The following CCM2 variants were observed in gnomAD, a reference collection of about 807,000 sequenced individuals.
The protein encoded by CCM2 is cerebral cavernous malformations 2 protein.
CCM2 carries 25 observed loss-of-function variants against 44.9 expected under a neutral mutation model. The observed-to-expected ratio is 0.56, with a 90% CI of 0.41 to 0.78. The LOEUF is 0.78. CCM2 is among the 30% of genes least tolerant of loss of function. The pLI is 0.00. For synonymous variants in CCM2, 219 were observed against 241.1 expected, an observed-to-expected ratio of 0.91 and a Z score of 0.85; for missense variants, 481 against 580.6, an observed-to-expected ratio of 0.83 and a Z score of 1.76.
At chr7:45,061,721 G>A (rs1225561904) in intron 2 of CCM2, among the ~76,000 whole-genome samples, 1 of 152,144 alleles carries the variant, frequency 6.6e-6, no homozygotes, top group Non-Finnish European at 1.5e-5. Context: ...CTGGCCTCAA[G>A]CAAACCTGCC....
chr7:45,055,795 C>T (rs1403848033), intron 2 of CCM2, among the ~76,000 whole-genome samples: 1 of 152,180 alleles, frequency 6.6e-6, no homozygotes, highest in Non-Finnish European at 1.5e-5. Context: ...CAGAGCTTCC[C>T]ACCAGCCCTT....
At position 45,038,243 on chromosome 7, in the gene CCM2, C is replaced by T; in HGVS notation, c.31-10C>T. 2 of 1,613,890 alleles carry T rather than the reference C, an allele frequency of 1.2e-6. No homozygotes were observed. The highest frequency in any genetic ancestry group is 1.1e-5 in the South Asian group (1 of 91,082). The stretch of plus-strand genomic sequence containing the variant: ...TAATGAACTCCAATCATTGCCGTTT[C>T]TGCCTGCAGCCTGGAATTGTCTCGC... On this transcript the variant is annotated splice_polypyrimidine_tract_variant and intron_variant, in intron 1 of 9. Transcript: ENST00000258781.
intron 4 of CCM2, among the ~76,000 whole-genome samples, chr7:45,066,901 A>ATT (rs34087646): frequency 7.0e-5 from 10 of 143,750 alleles, no homozygotes; most frequent in Non-Finnish European, 1.1e-4. Context: ...AAACCAGTAA[A>ATT]TTTTTTTTTT....
intron 2 of CCM2, among the ~76,000 whole-genome samples, chr7:45,054,285 A>G (rs992653408): frequency 6.6e-6 from 1 of 152,090 alleles, no homozygotes; most frequent in South Asian, 2.1e-4. Context: ...TCGTACAACA[A>G]AAGGGGATAG....
chr7:45,008,065 T>G (rs1345006225), intron 1 of CCM2, among the ~76,000 whole-genome samples: 8 of 131,960 alleles, frequency 6.1e-5, no homozygotes, highest in Admixed American at 1.7e-4. Flanking sequence ...TTTTTTGAGG[T>G]GGAGTCTTGC....
Position 45,028,869 on chromosome 7 carries a change from A to G in CCM2, c.31-9384A>G, listed in dbSNP as rs532430998. 5.9e-5 allele frequency among the ~76,000 whole-genome samples: 9 copies of G among 151,998 alleles called. No individual in the cohort carries two copies. The South Asian group carries it at 1.7e-3, about 28-fold the overall frequency. Reference sequence around the variant, plus strand: ...TGGAAATTCACATAGGCAGGGGTGCAATGTGGGTGTCCACAGAGGAGTTCT... The same window carrying G: ...TGGAAATTCACATAGGCAGGGGTGCGATGTGGGTGTCCACAGAGGAGTTCT... On this transcript the variant is annotated intron_variant, in intron 1 of 9. Coordinates refer to ENST00000258781, the MANE Select transcript of CCM2 (RefSeq NM_031443.4).
intron 1 of CCM2, among the ~76,000 whole-genome samples, chr7:45,024,697 G>A (rs1236805232): frequency 6.6e-6 from 1 of 152,184 alleles, no homozygotes; most frequent in Non-Finnish European, 1.5e-5. Flanking sequence ...TTTCCACACA[G>A]AATTTTAAAG....
Position 45,076,301 on chromosome 7 carries a change from T to C in CCM2, c.*244T>C, listed in dbSNP as rs1359644418. On this transcript the variant is annotated 3_prime_UTR_variant, in exon 10 of 10. Coordinates refer to ENST00000258781, the MANE Select transcript of CCM2 (RefSeq NM_031443.4). ...ACCAGGGCTCAGCCAAGCCCTGCAG[T>C]GTGTCCCCGCTCGGGGAGGGCCCGG... 3 of 682,312 alleles carry C rather than the reference T, an allele frequency of 4.4e-6. No individual in the cohort carries two copies. Among genetic ancestry groups the C allele is most frequent in the South Asian group, 3.0e-5 (2 of 66,608 alleles). The allele number at this position is 682,312 out of a possible 1,614,324, so 42.3% of individuals were successfully genotyped here.
Position 45,000,236 on chromosome 7 carries a change from A to C in CCM2, c.-98A>C. The C allele has an allele frequency of 1.1e-5, 7 of 642,782 alleles. No homozygotes were observed. The highest frequency in any genetic ancestry group is 1.3e-5 in the Non-Finnish European group (7 of 548,008). 39.8% of individuals were successfully genotyped at this position (642,782 alleles called of 1,614,324 possible). A position where few individuals can be genotyped will look rare whatever the true frequency, so the allele number is the denominator to read the frequency against. On this transcript the variant is annotated 5_prime_UTR_variant, in exon 1 of 10. Coordinates refer to ENST00000258781, the MANE Select transcript of CCM2 (RefSeq NM_031443.4). ...GGCCCGGCTGGCGGGCGGCGCCGGG[A>C]GCGCGGGGGCGGCGGGCCCGGGTCG...
intron 1 of CCM2, among the ~76,000 whole-genome samples, chr7:45,015,182 T>C (rs976269984): frequency 3.3e-5 from 5 of 152,220 alleles, no homozygotes; most frequent in Non-Finnish European, 7.3e-5. Flanking sequence ...TATTAAACAT[T>C]AGAGTTCACA....
chr7:45,045,194 G>C (rs563683607), intron 2 of CCM2, among the ~76,000 whole-genome samples: 1 of 152,152 alleles, frequency 6.6e-6, no homozygotes, highest in African/African-American at 2.4e-5. Context: ...AGCTGATAGA[G>C]CAATTTCTTT....
At position 45,034,209 on chromosome 7, in the gene CCM2, C is replaced by CT. The variant is rs869231171; in HGVS notation, c.31-4030dup. Among the ~76,000 whole-genome samples the CT allele has an allele frequency of 7.4e-3, 1,082 of 145,240 alleles. 6 individuals are homozygous for CT. Among genetic ancestry groups the CT allele is most frequent in the Middle Eastern group, 0.021 (6 of 280 alleles). On this transcript the variant is annotated intron_variant, in intron 1 of 9. Coordinates refer to ENST00000258781, the MANE Select transcript of CCM2 (RefSeq NM_031443.4). ...GTCCCAGCAAGCTCTTATGGAAGCA[C>CT]TTTTTTTTTTTTTTGTTTTGAGACG...
chr7:45,005,288 T>C (rs1046212159), intron 1 of CCM2, among the ~76,000 whole-genome samples: 28 of 152,192 alleles, frequency 1.8e-4, no homozygotes, highest in African/African-American at 6.3e-4. Context: ...ACCATTTACA[T>C]AGTATGTATT....
At chr7:45,016,335 T>A (rs1205017937) in intron 1 of CCM2, among the ~76,000 whole-genome samples, 1 of 152,246 alleles carries the variant, frequency 6.6e-6, no homozygotes, top group Non-Finnish European at 1.5e-5. Flanking sequence ...TATTTTATTT[T>A]ATTTATTTTT....
Position 45,072,834 on chromosome 7 carries a change from T to C in CCM2, c.803+51T>C, listed in dbSNP as rs542720049. The C allele has an allele frequency of 2.1e-6, 3 of 1,442,852 alleles. No individual in the cohort carries two copies. In the South Asian group the frequency reaches 3.4e-5, roughly 16 times the overall value. 89.4% of individuals were successfully genotyped at this position (1,442,852 alleles called of 1,614,324 possible). ...GCGGTGGGACACGCACCAAATGCGTTGTCTGGTGTTGTCCAGGCTGCAGCC... is the reference window on the plus strand; with the variant it reads ...GCGGTGGGACACGCACCAAATGCGTCGTCTGGTGTTGTCCAGGCTGCAGCC... On this transcript the variant is annotated intron_variant, in intron 7 of 9. Coordinates refer to ENST00000258781, the MANE Select transcript of CCM2 (RefSeq NM_031443.4).
rs66538861 is a variant in CCM2 at position 45,008,039 on chromosome 7, AT to A, written c.30+7697del. Among the ~76,000 whole-genome samples the A allele has an allele frequency of 5.2e-3, 659 of 127,512 alleles. 1 individual carries two copies. The highest frequency in any genetic ancestry group is 7.5e-3 in the African/African-American group (243 of 32,564). 83.7% of individuals were successfully genotyped at this position (127,512 alleles called of 152,430 possible). On this transcript the variant is annotated intron_variant, in intron 1 of 9. Transcript: ENST00000258781. The stretch of plus-strand genomic sequence containing the variant: ...CTTGTTGGTTTATGTGGTGGGGTAC[AT>A]TTTTTTTTTTTTTTTTTTTTGAGGT...
chr7:45,074,263 C>T lies in CCM2; in HGVS notation c.916-7C>T, dbSNP rs551511374. ...CCAGCCCCCTATCTGGCTCTGCTCTCTTGCAGCTGCGCACCAAGCTGTCAT... is the reference window on the plus strand; with the variant it reads ...CCAGCCCCCTATCTGGCTCTGCTCTTTTGCAGCTGCGCACCAAGCTGTCAT... On this transcript the variant is annotated splice_polypyrimidine_tract_variant and splice_region_variant and intron_variant, in intron 8 of 9. Transcript: ENST00000258781. 2 of 1,613,488 alleles carry T rather than the reference C, an allele frequency of 1.2e-6. No homozygotes were observed. The highest frequency in any genetic ancestry group is 3.3e-5 in the Admixed American group (2 of 60,020).
intron 4 of CCM2, chr7:45,067,527 A>G (rs1798842128): frequency 6.6e-6 from 1 of 152,244 alleles, no homozygotes; most frequent in African/African-American, 2.4e-5. Context: ...ATCAGTATAT[A>G]ATCAATATAA....
intron 1 of CCM2, among the ~76,000 whole-genome samples, chr7:45,025,356 A>G (rs183867622): frequency 1.3e-5 from 2 of 152,244 alleles, no homozygotes; most frequent in Admixed American, 1.3e-4. Context: ...TTCATCTGTA[A>G]AACATTTGCA....
Sources: allele counts gnomAD v4.1 joint callset (sites outside exome capture counted in the v4.1 genomes callset), GRCh38; gene constraint gnomAD v4.1.1; transcripts MANE v1.5; gene names NCBI Gene and HGNC (gene_info 2026-07-23, HGNC 2026-07-21).